Variants in SMARCA2 observed in about 807,000 individuals in gnomAD.
SMARCA2 encodes SWI/SNF related BAF chromatin remodeling complex subunit ATPase 2.
SMARCA2 carries 61 observed loss-of-function variants against 199.8 expected under a neutral mutation model. The ratio of observed to expected loss-of-function variants is 0.31; its 90% CI spans 0.25 to 0.38. The LOEUF is 0.38. SMARCA2 is among the 10% of genes least tolerant of loss of function. The pLI is 1.00. For missense variants in SMARCA2, 1,344 were observed against 2,012.2 expected, an observed-to-expected ratio of 0.67 and a Z score of 6.35; for synonymous variants, 935 against 732.0, an observed-to-expected ratio of 1.28 and a Z score of -4.48.
rs773572356 is a variant in SMARCA2, at chr9:2,123,760, G to A, written c.3804G>A (p.Pro1268=). 6.8e-6 allele frequency: 11 copies of A among 1,614,018 alleles called. No homozygotes were observed. The highest frequency in any genetic ancestry group is 1.6e-4 in the Middle Eastern group (1 of 6,084). The change falls in exon 27 of 34, where the codon CCG becomes CCA. Residue 1268 remains proline (P), a synonymous_variant. Transcript: ENST00000349721. The surrounding 1 kb of genome is among the most constrained non-coding windows in gnomAD (Gnocchi z 4.1). ...GGCGGAGGGAAGATGCCCGGAACCC[G>A]AAACGGAAGCCCCGTTTAATGGAGG... The part of the protein sequence containing the change: ...MDRRREDARN[P]KRKPRLMEED...
intron 17 of SMARCA2, chr9:2,085,794 C>A (rs1821777061): frequency 6.6e-6 from 1 of 152,330 alleles, no homozygotes; most frequent in African/African-American, 2.4e-5. Flanking sequence ...TCTCTAGGAG[C>A]TTTGCAGCAG....
chr9:2,073,203 CCTT>C lies in SMARCA2; in HGVS notation c.1747-8_1747-6del. On this transcript the variant is annotated splice_region_variant and splice_polypyrimidine_tract_variant and intron_variant, in intron 10 of 33. Transcript: ENST00000349721. ...ATGAAACCGTGACATGATTTTCCCT[CCTT>C]TGTAGCCCATAGATGAGAGCAGCCA... The C allele has an allele frequency of 6.2e-7, 1 of 1,614,002 alleles. No individual in the cohort carries two copies.
chr9:2,117,847 G>A (rs373647091), intron 25 of SMARCA2, among the ~76,000 whole-genome samples: 3 of 152,152 alleles, frequency 2.0e-5, no homozygotes, highest in Non-Finnish European at 4.4e-5. Context: ...AAATGTTGCC[G>A]TTTTCAGGGG....
chr9:2,112,232 T>C (rs1823038238), intron 24 of SMARCA2, among the ~76,000 whole-genome samples: 2 of 152,128 alleles, frequency 1.3e-5, no homozygotes, highest in South Asian at 4.1e-4. Context: ...CCTGGTGTGC[T>C]CAATGTGATT....
intron 26 of SMARCA2, among the ~76,000 whole-genome samples, chr9:2,121,242 A>G (rs569863447): frequency 3.3e-5 from 5 of 152,346 alleles, no homozygotes; most frequent in African/African-American, 1.2e-4. Context: ...AACAATCTGA[A>G]TATCTTGGAA....
chr9:2,073,759 GC>G (rs1369413687), intron 12 of SMARCA2, 136 bp downstream of exon 12: 1 of 661,694 alleles, frequency 1.5e-6, no homozygotes, highest in African/African-American at 1.8e-5. Flanking sequence ...GACAGCTGGG[GC>G]TAAGGATTTA....
intron 9 of SMARCA2, among the ~76,000 whole-genome samples, chr9:2,064,998 C>CG (rs1820767724): frequency 6.6e-6 from 1 of 152,146 alleles, no homozygotes; most frequent in Admixed American, 6.6e-5. Context: ...TCCTGGCTAA[C>CG]ATGTTGAAAC....
rs1403500778 is a variant in SMARCA2, at chr9:2,161,626, CT to C, written c.3982-53del. The C allele has an allele frequency of 3.4e-6, 4 of 1,173,522 alleles. No individual in the cohort carries two copies. Among genetic ancestry groups the C allele is most frequent in the Non-Finnish European group, 5.0e-6 (4 of 800,694 alleles). The allele number at this position is 1,173,522 out of a possible 1,614,324, so 72.7% of individuals were successfully genotyped here. A position where few individuals can be genotyped will look rare whatever the true frequency, so the allele number is the denominator to read the frequency against. ...GGAGCTATATATAAATATACACATA[CT>C]TTTTTTGTCTTGGTTATTCTCTTGT... is the stretch of plus-strand genomic sequence containing the variant. On this transcript the variant is annotated intron_variant, in intron 27 of 33. Transcript: ENST00000349721. This position sits in a 1 kb window ranked among gnomAD's most constrained non-coding sequence, Gnocchi z 4.7.
chr9:2,132,892 C>T (rs1824025233), intron 27 of SMARCA2, among the ~76,000 whole-genome samples: 1 of 151,754 alleles, frequency 6.6e-6, no homozygotes, highest in Admixed American at 6.6e-5. Context: ...CTTTAACAGC[C>T]CATTGGACTT....
At chr9:2,092,521 A>C (rs988522791) in intron 19 of SMARCA2, among the ~76,000 whole-genome samples, 3 of 152,232 alleles carry the variant, frequency 2.0e-5, no homozygotes, top group African/African-American at 7.2e-5. Context: ...TTATTATTCC[A>C]ATAAAACATC....
chr9:2,060,733 C>A, intron 8 of SMARCA2, 83 bp from the exon 9 acceptor site: 2 of 1,321,288 alleles, frequency 1.5e-6, no homozygotes, highest in Non-Finnish European at 2.1e-6. Context: ...AAAATGCAGA[C>A]TGTCAAGGGG....
chr9:2,101,046 G>A (rs1461536660), intron 21 of SMARCA2, among the ~76,000 whole-genome samples: 2 of 152,082 alleles, frequency 1.3e-5, no homozygotes, highest in African/African-American at 4.8e-5. Flanking sequence ...CGGCATGAGG[G>A]AAACCTTCCT....
chr9:2,138,402 C>T (rs1824310001), intron 27 of SMARCA2, among the ~76,000 whole-genome samples: 1 of 152,176 alleles, frequency 6.6e-6, no homozygotes, highest in Non-Finnish European at 1.5e-5. Context: ...CTTGTTCTGT[C>T]ACTCCTATTG....
intron 19 of SMARCA2, among the ~76,000 whole-genome samples, chr9:2,092,680 T>A (rs1822109479): frequency 6.6e-6 from 1 of 152,208 alleles, no homozygotes; most frequent in African/African-American, 2.4e-5. Context: ...TTAGGCCATT[T>A]ACTAACATAA....
chr9:2,058,513 T>A, intron 8 of SMARCA2, 49 bp downstream of exon 8: 1 of 1,485,454 alleles, frequency 6.7e-7, no homozygotes, highest in Non-Finnish European at 9.3e-7. Context: ...CCCACGTCCG[T>A]CTGCAATGAG....
chr9:2,097,336 C>A, intron 20 of SMARCA2, 49 bp from the exon 21 acceptor site: 2 of 1,214,380 alleles, frequency 1.6e-6, no homozygotes, highest in East Asian at 2.3e-5. Flanking sequence ...TCTGAAATGT[C>A]TGACCAGTTA....
chr9:2,098,275 C>G (rs1474375821), intron 21 of SMARCA2, among the ~76,000 whole-genome samples: 1 of 152,230 alleles, frequency 6.6e-6, no homozygotes, highest in African/African-American at 2.4e-5. Context: ...GCTCCAGTGT[C>G]TGCACCAATT....
At position 2,104,740 on chromosome 9, in the gene SMARCA2, C is replaced by T. The variant is rs568358571; in HGVS notation, c.3292+571C>T. On this transcript the variant is annotated intron_variant, in intron 23 of 33. Coordinates refer to ENST00000349721, the MANE Select transcript of SMARCA2 (RefSeq NM_003070.5). This position sits in a 1 kb window ranked among gnomAD's most constrained non-coding sequence, Gnocchi z 4.0. ...GGTTTTAAGAGTGAAATTTAAATAC[C>T]GTGTCCTAAAAATTAGTAAGAAAAA... 7.2e-5 allele frequency among the ~76,000 whole-genome samples: 11 copies of T among 152,084 alleles called. No homozygotes were observed. The highest frequency in any genetic ancestry group is 2.7e-4 in the African/African-American group (11 of 41,492).
intron 22 of SMARCA2, 32 bp from the exon 23 acceptor site, chr9:2,103,971 G>A: frequency 6.2e-7 from 1 of 1,607,646 alleles, no homozygotes; most frequent in Non-Finnish European, 8.5e-7. Flanking sequence ...AAGTAATACT[G>A]TCTTCTTGTT....
Sources: allele counts gnomAD v4.1 joint callset (sites outside exome capture counted in the v4.1 genomes callset), GRCh38; gene constraint gnomAD v4.1.1; non-coding constraint Gnocchi (gnomAD v3.1); transcripts MANE v1.5; gene names NCBI Gene and HGNC (gene_info 2026-07-23, HGNC 2026-07-21).